GIMD1: variants seen among roughly 807,000 people sequenced by gnomAD.
GIMD1 encodes the protein GTPase IMAP family member GIMD1.
In GIMD1, 14 loss-of-function variants were observed where a neutral mutation model predicts 14.9. That is an observed-to-expected ratio of 0.94 (90% CI 0.62 to 1.47). GIMD1 has a LOEUF of 1.47. Among genes scored for constraint, GIMD1 ranks in the 40% most tolerant of loss-of-function variants. The pLI, the probability that GIMD1 is intolerant of heterozygous loss-of-function variation, is 0.00. For synonymous variants in GIMD1, 91 were observed against 90.5 expected, an observed-to-expected ratio of 1.01 and a Z score of -0.03; for missense variants, 272 against 255.3, an observed-to-expected ratio of 1.07 and a Z score of -0.44.
At chr4:106,359,765 G>A (rs1426086525) in intron 2 of GIMD1, among the ~76,000 whole-genome samples, 1 of 151,630 alleles carries the variant, frequency 6.6e-6, no homozygotes, top group Non-Finnish European at 1.5e-5. Flanking sequence ...AGGAAGGAAG[G>A]AAGGCAAGCA....
chr4:106,358,511 T>C (rs1770567772), intron 2 of GIMD1, 68 bp from the exon 3 acceptor site: 5 of 1,220,408 alleles, frequency 4.1e-6, no homozygotes, highest in South Asian at 3.2e-5. Flanking sequence ...AAAGGATTTA[T>C]TACGGTCCAA....
chr4:106,367,577 G>A, intron 1 of GIMD1, 140 bp from the exon 2 acceptor site: 2 of 743,244 alleles, frequency 2.7e-6, no homozygotes, highest in South Asian at 2.0e-5. Flanking sequence ...AAGCATGGAG[G>A]AGGACTGCTC....
At position 106,367,288 on chromosome 4, in the gene GIMD1, C is replaced by G; in HGVS notation, c.148G>C (p.Gly50Arg). The change falls in exon 2 of 3, where the codon GGC becomes CGC. Residue 50 changes from glycine (G) to arginine (R), a missense_variant. Physicochemically the swap from Gly to Arg is moderately radical, Grantham distance 125 (BLOSUM62 -2). Transcript: ENST00000638719. Reference protein sequence around the residue: ...PCSVTTCCSLGRSCHLHSFMR... With the variant: ...PCSVTTCCSLRRSCHLHSFMR... ...AAGCTGTGGAGGTGACAACTGCGGC[C>G]CAGGCTACAACATGTGGTCACAGAA... The G allele has an allele frequency of 2.0e-6, 3 of 1,535,932 alleles. No homozygotes were observed. The highest frequency in any genetic ancestry group is 2.6e-6 in the Non-Finnish European group (3 of 1,146,838).
At chr4:106,367,834 T>C (rs1770727893) in intron 1 of GIMD1, among the ~76,000 whole-genome samples, 2 of 149,700 alleles carry the variant, frequency 1.3e-5, no homozygotes, top group African/African-American at 2.5e-5. Flanking sequence ...CAGTAGTATT[T>C]AAAAGTTATT....
chr4:106,365,893 T>TAATA (rs1351543953), intron 2 of GIMD1, among the ~76,000 whole-genome samples: 1 of 149,972 alleles, frequency 6.7e-6, no homozygotes, highest in Admixed American at 6.7e-5. Context: ...CTATTGTTAG[T>TAATA]AATAGTCCAC....
At chr4:106,365,341 C>T (rs1770680655) in intron 2 of GIMD1, among the ~76,000 whole-genome samples, 1 of 150,218 alleles carries the variant, frequency 6.7e-6, no homozygotes, top group South Asian at 2.1e-4. Context: ...TTTTATGCTC[C>T]TGTCACCCTG....
rs1640326190 is a variant in GIMD1, at chr4:106,357,981, CTA to C, written c.*200_*201del. ...GGGTATACACTTAGGAGTGTAATTGCTATGTCATGGGATTTGCATTAGAAATC... is the reference window on the plus strand; with the variant it reads ...GGGTATACACTTAGGAGTGTAATTGCTGTCATGGGATTTGCATTAGAAATC... On this transcript the variant is annotated 3_prime_UTR_variant, in exon 3 of 3. Transcript: ENST00000638719. 8 of 461,888 alleles carry C rather than the reference CTA, an allele frequency of 1.7e-5. No individual in the cohort carries two copies. The highest frequency in any genetic ancestry group is 3.1e-5 in the Non-Finnish European group (8 of 259,986). The allele number at this position is 461,888 out of a possible 1,614,324, so 28.6% of individuals were successfully genotyped here. A position where few individuals can be genotyped will look rare whatever the true frequency, so the allele number is the denominator to read the frequency against.
chr4:106,366,497 A>T (rs772075621), intron 2 of GIMD1, among the ~76,000 whole-genome samples: 2 of 152,200 alleles, frequency 1.3e-5, no homozygotes, highest in African/African-American at 4.8e-5. Flanking sequence ...CTGGTGAACT[A>T]TAAGAGATTG....
intron 2 of GIMD1, among the ~76,000 whole-genome samples, chr4:106,365,502 G>T (rs1770684310): frequency 6.6e-6 from 1 of 151,864 alleles, no homozygotes; most frequent in South Asian, 2.1e-4. Context: ...TTAAAACCAA[G>T]TAACTATCTT....
rs1770559636 is a variant in GIMD1 at position 106,358,179 on chromosome 4, A to T, written c.*4T>A. 2 of 1,468,202 alleles carry T rather than the reference A, an allele frequency of 1.4e-6. No homozygotes were observed. The highest frequency in any genetic ancestry group is 1.8e-6 in the Non-Finnish European group (2 of 1,113,798). 90.9% of individuals were successfully genotyped at this position (1,468,202 alleles called of 1,614,324 possible). The stretch of plus-strand genomic sequence containing the variant: ...CCCAATGCTCCTTTCCTTTCACCTA[A>T]ATTTTATTTAAATGTAAGAACTTGG... On this transcript the variant is annotated 3_prime_UTR_variant, in exon 3 of 3. Transcript: ENST00000638719.
chr4:106,363,410 G>T (rs3113255), intron 2 of GIMD1, among the ~76,000 whole-genome samples: 143,178 of 152,192 alleles, frequency 0.94, 67,454 homozygotes, highest in East Asian at 1. Context: ...AACCCATCTC[G>T]TAATCTCTAT....
chr4:106,365,788 G>A (rs1404338647), intron 2 of GIMD1, among the ~76,000 whole-genome samples: 1 of 151,274 alleles, frequency 6.6e-6, no homozygotes, highest in Non-Finnish European at 1.5e-5. Context: ...TAGTTTCCAG[G>A]AATTGTTAGG....
chr4:106,360,284 A>G (rs1223163362), intron 2 of GIMD1, among the ~76,000 whole-genome samples: 1 of 152,020 alleles, frequency 6.6e-6, no homozygotes, highest in Non-Finnish European at 1.5e-5. Context: ...ACCATAGAAT[A>G]ACTGCATATT....
chr4:106,367,316 G>A lies in GIMD1; in HGVS notation c.120C>T (p.Pro40=). The part of the protein sequence containing the change: ...GSTDFHSSFA[P]CSVTTCCSLG... ...GGCTACAACATGTGGTCACAGAACAGGGAGCAAAGCTGCTGTGAAAGTCTG... is the reference window on the plus strand; with the variant it reads ...GGCTACAACATGTGGTCACAGAACAAGGAGCAAAGCTGCTGTGAAAGTCTG... Residue 40 remains proline (P), a synonymous_variant, in exon 2 of 3, where the codon CCC becomes CCT. Coordinates refer to ENST00000638719, the MANE Select transcript of GIMD1 (RefSeq NM_001195138.2). 6 of 1,536,048 alleles carry A rather than the reference G, an allele frequency of 3.9e-6. No homozygotes were observed. The highest frequency in any genetic ancestry group is 5.2e-6 in the Non-Finnish European group (6 of 1,146,858).
chr4:106,367,210 G>A lies in GIMD1; in HGVS notation c.226C>T (p.Pro76Ser). The change falls in exon 2 of 3, where the codon CCA (proline) becomes TCA (serine). Residue 76 changes from proline to serine, a missense_variant. Physicochemically the swap from Pro to Ser is moderately conservative, Grantham distance 74 (BLOSUM62 -1). Transcript: ENST00000638719. ...VALQVQVLDT[P>S]GYPHSRLSKK... Reference sequence around the variant, plus strand: ...CTCAGCCTGCTGTGTGGATAACCTGGAGTGTCCAACACCTGGACCTGCAGG... The same window carrying A: ...CTCAGCCTGCTGTGTGGATAACCTGAAGTGTCCAACACCTGGACCTGCAGG... 4 of 1,535,746 alleles carry A rather than the reference G, an allele frequency of 2.6e-6. No individual in the cohort carries two copies. The highest frequency in any genetic ancestry group is 3.5e-6 in the Non-Finnish European group (4 of 1,146,748).
Position 106,367,449 on chromosome 4 carries a change from CA to C in GIMD1, c.-2-13del, listed in dbSNP as rs1287111840. On this transcript the variant is annotated splice_polypyrimidine_tract_variant and intron_variant, in intron 1 of 2. Transcript: ENST00000638719. ...GGGGTCTGTCATGGCTGTAGGAAAA[CA>C]AAGGCATAGCACGCATAATTAGGCT... is the stretch of plus-strand genomic sequence containing the variant. The C allele has an allele frequency of 6.6e-7, 1 of 1,517,864 alleles. No individual in the cohort carries two copies. Among genetic ancestry groups the C allele is most frequent in the Non-Finnish European group, 8.8e-7 (1 of 1,135,896 alleles). The allele number at this position is 1,517,864 out of a possible 1,614,324, so 94.0% of individuals were successfully genotyped here. A position where few individuals can be genotyped will look rare whatever the true frequency, so the allele number is the denominator to read the frequency against.
At position 106,358,431 on chromosome 4, in the gene GIMD1, G is replaced by T. The variant is rs760604122; in HGVS notation, c.406C>A (p.His136Asn). 7 of 1,508,554 alleles carry T rather than the reference G, an allele frequency of 4.6e-6. No homozygotes were observed. The South Asian group carries it at 8.9e-5, about 19-fold the overall frequency. The allele number at this position is 1,508,554 out of a possible 1,614,324, so 93.4% of individuals were successfully genotyped here. Residue 136 changes from histidine (H) to asparagine (N), a missense_variant, in exon 3 of 3, where the codon CAT (histidine) becomes AAT (asparagine). By Grantham distance (68) the His-to-Asn change is moderately conservative (BLOSUM62 1). Coordinates refer to ENST00000638719, the MANE Select transcript of GIMD1 (RefSeq NM_001195138.2). Reference sequence around the variant, plus strand: ...ATGGCTGTGTAATTCATCCAAGCATGTCCAAGAAGTTCCTGAAAGAGAGAA... The same window carrying T: ...ATGGCTGTGTAATTCATCCAAGCATTTCCAAGAAGTTCCTGAAAGAGAGAA... Reference protein sequence around the residue: ...PVQMIQELLGHAWMNYTAILF... With the variant: ...PVQMIQELLGNAWMNYTAILF...
intron 2 of GIMD1, among the ~76,000 whole-genome samples, chr4:106,360,712 T>TA (rs1310242238): frequency 6.6e-6 from 1 of 151,848 alleles, no homozygotes; most frequent in Non-Finnish European, 1.5e-5. Flanking sequence ...GGTGTCCTTA[T>TA]AAAAAAAGGG....
chr4:106,367,482 T>C (rs1770722501), intron 1 of GIMD1, 45 bp from the exon 2 acceptor site: 1 of 1,458,490 alleles, frequency 6.9e-7, no homozygotes, highest in African/African-American at 1.4e-5. Context: ...GGCTTCTACA[T>C]TCCCCCAATG....
Sources: gnomAD v4.1 joint callset for allele counts (sites outside exome capture counted in the v4.1 genomes callset) on GRCh38, gnomAD v4.1.1 for gene constraint, MANE v1.5 for transcripts, NCBI Gene and HGNC (gene_info 2026-07-23, HGNC 2026-07-21) for gene names.